The following MARCHF1 variants were observed in gnomAD, a reference collection of about 807,000 sequenced individuals.
MARCHF1 encodes the protein membrane associated ring-CH-type finger 1.
In MARCHF1, 40 loss-of-function variants were observed where a neutral mutation model predicts 54.2. The observed-to-expected ratio is 0.74, with a 90% CI of 0.57 to 0.96. The LOEUF is 0.96. Ranked by LOEUF, MARCHF1 falls within the 40% of genes least tolerant of loss-of-function variation. The pLI, the probability that MARCHF1 is intolerant of heterozygous loss-of-function variation, is 0.00. For synonymous variants in MARCHF1, 236 were observed against 236.3 expected (o/e 1.00, Z 0.01); for missense variants, 586 against 656.5 (o/e 0.89, Z 1.17).
chr4:163,878,862 C>T (rs1399433793), intron 3 of MARCHF1, among the ~76,000 whole-genome samples: 2 of 152,136 alleles, frequency 1.3e-5, no homozygotes, highest in African/African-American at 2.4e-5. Context: ...ATTCTGAATG[C>T]TACCTGGAGG....
intron 1 of MARCHF1, among the ~76,000 whole-genome samples, chr4:164,181,406 A>C (rs1371418005): frequency 1.3e-5 from 2 of 152,162 alleles, no homozygotes; most frequent in East Asian, 3.8e-4. Context: ...TGTATGTCTA[A>C]TTTTTAGCAC....
chr4:164,302,476 C>T (rs903033071), intron 1 of MARCHF1, among the ~76,000 whole-genome samples: 5 of 151,942 alleles, frequency 3.3e-5, no homozygotes, highest in East Asian at 1.9e-4. Context: ...TTACTAACCC[C>T]GGGGTCATGA....
chr4:164,135,245 G>C (rs2110833609), intron 1 of MARCHF1, among the ~76,000 whole-genome samples: 1 of 152,290 alleles, frequency 6.6e-6, no homozygotes, highest in Non-Finnish European at 1.5e-5. Context: ...TACAGAATTA[G>C]AGAACACTGC....
At chr4:164,134,529 T>C (rs905559045) in intron 1 of MARCHF1, among the ~76,000 whole-genome samples, 1 of 152,186 alleles carries the variant, frequency 6.6e-6, no homozygotes, top group Non-Finnish European at 1.5e-5. Context: ...CTTTAGTGCA[T>C]GTCTCCTGCT....
chr4:163,832,466 G>A (rs538385061), intron 4 of MARCHF1, among the ~76,000 whole-genome samples: 2 of 152,182 alleles, frequency 1.3e-5, no homozygotes, highest in South Asian at 4.1e-4. Flanking sequence ...GACAAATTAA[G>A]TTGCTTTTGA....
At chr4:164,247,630 GA>G (rs67845385) in intron 1 of MARCHF1, among the ~76,000 whole-genome samples, 117,395 of 142,898 alleles carry the variant, frequency 0.82, 48,508 homozygotes, top group South Asian at 0.89. Context: ...AAAGTTAAAA[GA>G]AAAAAAGAAA....
chr4:164,324,308 T>C (rs1735217575), intron 1 of MARCHF1, among the ~76,000 whole-genome samples: 1 of 151,718 alleles, frequency 6.6e-6, no homozygotes, highest in Admixed American at 6.6e-5. Context: ...TATTTAAAAA[T>C]CAACTAATAT....
chr4:164,130,118 C>A (rs985505639), intron 1 of MARCHF1: 1 of 151,878 alleles, frequency 6.6e-6, no homozygotes, highest in Non-Finnish European at 1.5e-5. Flanking sequence ...TAAAAAAAAT[C>A]ACACTACTTT....
chr4:163,990,312 G>C (rs900335927), intron 2 of MARCHF1, among the ~76,000 whole-genome samples: 1 of 151,970 alleles, frequency 6.6e-6, no homozygotes, highest in Admixed American at 6.6e-5. Flanking sequence ...ATTTTCAGGA[G>C]GGCTGCAGTG....
At chr4:163,806,744 CT>C (rs1027033275) in intron 4 of MARCHF1, among the ~76,000 whole-genome samples, 2 of 152,158 alleles carry the variant, frequency 1.3e-5, no homozygotes, top group Non-Finnish European at 2.9e-5. Flanking sequence ...CCCAGCTACT[CT>C]TTTCCCAAGT....
At chr4:164,373,286 C>T (rs6536811) in intron 1 of MARCHF1, among the ~76,000 whole-genome samples, 12,316 of 151,554 alleles carry the variant, frequency 0.081, 1,077 homozygotes, top group East Asian at 0.28. Flanking sequence ...CTCCAACTAC[C>T]ATTTGTCTCT....
At chr4:163,976,487 C>T (rs1752652213) in intron 3 of MARCHF1, among the ~76,000 whole-genome samples, 1 of 152,050 alleles carries the variant, frequency 6.6e-6, no homozygotes, top group Non-Finnish European at 1.5e-5. Context: ...AAAGCAAGGG[C>T]CTAAAATTAT....
At chr4:164,027,522 G>T (rs1293833613) in intron 2 of MARCHF1, among the ~76,000 whole-genome samples, 2 of 151,878 alleles carry the variant, frequency 1.3e-5, no homozygotes, top group Non-Finnish European at 2.9e-5. Context: ...TTTAATAAAT[G>T]GTGCTGGGAT....
At chr4:164,194,916 A>G (rs938095938) in intron 1 of MARCHF1, among the ~76,000 whole-genome samples, 2 of 151,850 alleles carry the variant, frequency 1.3e-5, no homozygotes, top group Non-Finnish European at 2.9e-5. Flanking sequence ...TACGTTAGGT[A>G]TTTCTCCTAA....
intron 1 of MARCHF1, among the ~76,000 whole-genome samples, chr4:164,319,188 C>T (rs1380162651): frequency 2.0e-5 from 3 of 152,064 alleles, no homozygotes; most frequent in African/African-American, 7.2e-5. Context: ...TTCCCTAAAC[C>T]ATATAACACA....
intron 4 of MARCHF1, among the ~76,000 whole-genome samples, chr4:163,809,787 G>T (rs1748332760): frequency 6.6e-6 from 1 of 151,966 alleles, no homozygotes; most frequent in African/African-American, 2.4e-5. Context: ...TCACACTAAA[G>T]ATATTTTTAA....
intron 4 of MARCHF1, among the ~76,000 whole-genome samples, chr4:163,831,817 G>T (rs562618824): frequency 6.6e-6 from 1 of 152,244 alleles, no homozygotes; most frequent in Non-Finnish European, 1.5e-5. Context: ...TAGTGTATGT[G>T]GTAATTCTTT....
intron 1 of MARCHF1, among the ~76,000 whole-genome samples, chr4:164,157,441 T>A (rs17044630): frequency 0.19 from 29,041 of 152,202 alleles, 4,414 homozygotes; most frequent in African/African-American, 0.41. Context: ...AAACTGTTCC[T>A]TACATCTTGT....
intron 1 of MARCHF1, among the ~76,000 whole-genome samples, chr4:164,117,325 A>G (rs140244898): frequency 3.2e-4 from 48 of 152,124 alleles, no homozygotes; most frequent in Non-Finnish European, 6.6e-4. Flanking sequence ...AATTTTTGTA[A>G]TAACAAAAGA....
Sources: gnomAD v4.1 joint callset for allele counts (sites outside exome capture counted in the v4.1 genomes callset) on GRCh38, gnomAD v4.1.1 for gene constraint, MANE v1.5 for transcripts, NCBI Gene and HGNC (gene_info 2026-07-23, HGNC 2026-07-21) for gene names.